The following NKTR variants were observed in gnomAD, a reference collection of about 807,000 sequenced individuals.
NKTR encodes natural killer cell triggering receptor, also known as NK-tumor recognition protein.
In NKTR, 67 loss-of-function variants were observed where a neutral mutation model predicts 156.3. That is an observed-to-expected ratio of 0.43 (90% confidence interval 0.35 to 0.53). NKTR has a LOEUF of 0.53. NKTR is among the 20% of genes least tolerant of loss of function. NKTR has a pLI of 0.01. For missense variants in NKTR, 1,604 were observed against 1,730.9 expected, an observed-to-expected ratio of 0.93 and a Z score of 1.30; for synonymous variants, 640 against 596.6, an observed-to-expected ratio of 1.07 and a Z score of -1.06.
chr3:42,632,498 C>T, intron 8 of NKTR, 103 bp from the exon 9 acceptor site: 8 of 652,670 alleles, frequency 1.2e-5, no homozygotes, highest in South Asian at 4.8e-5. Flanking sequence ...TTTTTGTTTG[C>T]TGTATGTAAA....
At chr3:42,631,521 A>G (rs1398020400) in intron 8 of NKTR, among the ~76,000 whole-genome samples, 2 of 152,120 alleles carry the variant, frequency 1.3e-5, no homozygotes, top group Non-Finnish European at 2.9e-5. Flanking sequence ...CCACACCACC[A>G]GTATTTTGTG....
rs71072726 is a variant in NKTR, at chr3:42,604,659, CTTTTTTTTTTTTTTTTTTTT to C, written c.58+3615_58+3634del. Among the ~76,000 whole-genome samples, 395 of 45,290 alleles carry C rather than the reference CTTTTTTTTTTTTTTTTTTTT, an allele frequency of 8.7e-3. 2 individuals carry two copies. Among genetic ancestry groups the C allele is most frequent in the Non-Finnish European group, 0.013 (325 of 25,128 alleles). The allele number at this position is 45,290 out of a possible 152,430, so 29.7% of individuals were successfully genotyped here. A position where few individuals can be genotyped will look rare whatever the true frequency, so the allele number is the denominator to read the frequency against. ...AATTGTGGATTTATCTATTTCTCTC[CTTTTTTTTTTTTTTTTTTTT>C]TTTTTTTTTTTTTTTTTTTGAGACT... is the stretch of plus-strand genomic sequence containing the variant. On this transcript the variant is annotated intron_variant, in intron 2 of 16. Coordinates refer to ENST00000232978, the MANE Select transcript of NKTR (RefSeq NM_005385.4).
In NKTR at chr3:42,639,690, C is replaced by A. The variant is rs754525177; in HGVS notation, c.3986C>A (p.Thr1329Lys). ...TCTGAAACCAAATCAAGACACAGAA[C>A]AAGGTCTGTCTCCTATAGTCACTCA... Reference protein sequence around the residue: ...SKSETKSRHRTRSVSYSHSRS... With the variant: ...SKSETKSRHRKRSVSYSHSRS... Residue 1329 changes from threonine to lysine, a missense_variant, in exon 13 of 17, where the codon ACA (threonine) becomes AAA (lysine). Coordinates refer to ENST00000232978, the MANE Select transcript of NKTR (RefSeq NM_005385.4). 6.2e-7 allele frequency: 1 copy of A among 1,613,950 alleles called. No homozygotes were observed.
rs1710326931 is a variant in NKTR, at chr3:42,645,971, G to T, written c.4385G>T (p.Ser1462Ile). The change falls in exon 17 of 17, where the codon AGT (serine) becomes ATT (isoleucine). Residue 1462 changes from serine (S) to isoleucine (I), a missense_variant. Transcript: ENST00000232978. ...HRSPSESSRY[S>I] ...AGCCCCAGTGAGAGCAGCAGATACA[G>T]TTGAAAACGTCCGGATACAAATTAT... 5.0e-6 allele frequency: 8 copies of T among 1,610,086 alleles called. No individual in the cohort carries two copies.
chr3:42,633,517 A>T lies in NKTR; in HGVS notation c.774-63A>T, dbSNP rs1358733238. The T allele has an allele frequency of 9.6e-6, 15 of 1,558,676 alleles. No individual in the cohort carries two copies. The Admixed American group carries it at 3.0e-4, about 31-fold the overall frequency. On this transcript the variant is annotated intron_variant, in intron 9 of 16. Transcript: ENST00000232978. ...TGCTGTTGTTTTAGTAACTAATTTTATGTGCTTTTATTATGAAATGCAAAC... is the reference window on the plus strand; with the variant it reads ...TGCTGTTGTTTTAGTAACTAATTTTTTGTGCTTTTATTATGAAATGCAAAC...
chr3:42,646,505 T>C lies in NKTR; in HGVS notation c.*530T>C, dbSNP rs1368356142. ...AGGCAGTGGCTCTGGGGTTCTTAAT[T>C]CATTCCTAACTTCTTTGATACTTCA... On this transcript the variant is annotated 3_prime_UTR_variant, in exon 17 of 17. Transcript: ENST00000232978. 6.5e-6 allele frequency: 1 copy of C among 153,322 alleles called. No homozygotes were observed. Among genetic ancestry groups the C allele is most frequent in the East Asian group, 1.9e-4 (1 of 5,224 alleles). The allele number at this position is 153,322 out of a possible 1,614,324, so 9.5% of individuals were successfully genotyped here.
intron 8 of NKTR, 127 bp downstream of exon 8, chr3:42,631,443 A>T: frequency 9.4e-7 from 1 of 1,059,366 alleles, no homozygotes; most frequent in Non-Finnish European, 1.3e-6. Context: ...ATCATACCCT[A>T]CATGTTTAAT....
In NKTR at chr3:42,631,192, G is replaced by A; in HGVS notation, c.426G>A (p.Leu142=). 1 of 1,613,980 alleles carries A rather than the reference G, an allele frequency of 6.2e-7. No individual in the cohort carries two copies. Among genetic ancestry groups the A allele is most frequent in the Non-Finnish European group, 8.5e-7 (1 of 1,179,934 alleles). ...ACAGGGTGCATGTAGTCTTTGGACT[G>A]GTTATTTCTGGTTTTGAAGTAATCG... ...HLDGVHVVFG[L]VISGFEVIEQ... Residue 142 remains leucine, a synonymous_variant, in exon 8 of 17, where the codon CTG becomes CTA. Transcript: ENST00000232978.
intron 4 of NKTR, chr3:42,619,424 G>A (rs1707703228): frequency 7.6e-7 from 1 of 1,307,776 alleles, no homozygotes; most frequent in Non-Finnish European, 9.9e-7. Flanking sequence ...GAATGTTTTT[G>A]GTGTTATTAC....
chr3:42,643,876 A>T, intron 15 of NKTR, 26 bp from the exon 16 acceptor site: 1 of 1,538,986 alleles, frequency 6.5e-7, no homozygotes, highest in South Asian at 1.1e-5. Flanking sequence ...GGGAAAATTT[A>T]GTGTTTGTTG....
intron 11 of NKTR, 136 bp from the exon 12 acceptor site, chr3:42,635,085 T>C: frequency 1.9e-6 from 1 of 524,346 alleles, no homozygotes; most frequent in Non-Finnish European, 3.2e-6. Flanking sequence ...AAAAGAACTT[T>C]AGACCATCCT....
intron 6 of NKTR, among the ~76,000 whole-genome samples, chr3:42,626,678 G>T (rs780249009): frequency 1.3e-5 from 2 of 152,094 alleles, no homozygotes; most frequent in Non-Finnish European, 2.9e-5. Context: ...CCAAACAAAG[G>T]TTTCAAATGT....
At chr3:42,604,436 AAC>A (rs1275371218) in intron 2 of NKTR, among the ~76,000 whole-genome samples, 1 of 151,650 alleles carries the variant, frequency 6.6e-6, no homozygotes, top group Admixed American at 6.6e-5. Flanking sequence ...ATGGCTAGAG[AAC>A]ACACATGATT....
At chr3:42,607,046 C>T (rs1315849326) in intron 2 of NKTR, among the ~76,000 whole-genome samples, 1 of 139,702 alleles carries the variant, frequency 7.2e-6, no homozygotes, top group Non-Finnish European at 1.5e-5. Flanking sequence ...ATGAAGATAC[C>T]TTGTATTAGT....
chr3:42,645,669 A>G (rs1441242179), intron 16 of NKTR, among the ~76,000 whole-genome samples: 1 of 152,140 alleles, frequency 6.6e-6, no homozygotes, highest in Admixed American at 6.5e-5. Context: ...GGGCAAAAAG[A>G]GTGAAACTCC....
At chr3:42,620,115 C>G in intron 5 of NKTR, 1 of 1,499,100 alleles carries the variant, frequency 6.7e-7, no homozygotes, top group Non-Finnish European at 8.9e-7. Flanking sequence ...AATTTATGGA[C>G]AGTCTGGGTC....
intron 6 of NKTR, among the ~76,000 whole-genome samples, chr3:42,622,074 T>G (rs1368169921): frequency 1.3e-5 from 2 of 152,050 alleles, no homozygotes; most frequent in Non-Finnish European, 2.9e-5. Flanking sequence ...CATGCATAAT[T>G]GAAATAACCC....
intron 6 of NKTR, among the ~76,000 whole-genome samples, chr3:42,626,373 T>C (rs1039817769): frequency 6.6e-6 from 1 of 152,086 alleles, no homozygotes; most frequent in African/African-American, 2.4e-5. Flanking sequence ...GATTTATTTG[T>C]TTAAATATAG....
At chr3:42,616,427 G>C (rs569163013) in intron 2 of NKTR, among the ~76,000 whole-genome samples, 3 of 152,160 alleles carry the variant, frequency 2.0e-5, no homozygotes, top group East Asian at 3.9e-4. Context: ...TCATTCTCTT[G>C]TGAATATACA....
Sources: gnomAD v4.1 joint callset for allele counts (sites outside exome capture counted in the v4.1 genomes callset) on GRCh38, gnomAD v4.1.1 for gene constraint, MANE v1.5 for transcripts, NCBI Gene and HGNC (gene_info 2026-07-23, HGNC 2026-07-21) for gene names.